Variants in PTPRQ observed in about 807,000 individuals in gnomAD.
PTPRQ encodes phosphatidylinositol phosphatase PTPRQ.
PTPRQ carries 199 observed loss-of-function variants against 246.0 expected under a neutral mutation model. The ratio of observed to expected loss-of-function variants is 0.81; its 90% CI spans 0.72 to 0.91. The LOEUF is 0.91. Among genes scored for constraint, PTPRQ ranks in the 40% least tolerant of loss-of-function variants. The pLI is 0.00. For missense variants in PTPRQ, 2,624 were observed against 2,528.4 expected, an observed-to-expected ratio of 1.04 and a Z score of -0.81; for synonymous variants, 869 against 853.2, an observed-to-expected ratio of 1.02 and a Z score of -0.32.
intron 16 of PTPRQ, among the ~76,000 whole-genome samples, chr12:80,509,242 A>C (rs1895053945): frequency 6.6e-6 from 1 of 152,060 alleles, no homozygotes; most frequent in Non-Finnish European, 1.5e-5. Context: ...ATTTTTTTGG[A>C]AAATTATTGT....
chr12:80,495,535 T>A (rs977218343), intron 12 of PTPRQ, among the ~76,000 whole-genome samples, 164 bp downstream of exon 12: 2 of 152,014 alleles, frequency 1.3e-5, no homozygotes, highest in Admixed American at 1.3e-4. Flanking sequence ...AATACCTGCA[T>A]ACATAACTCG....
intron 33 of PTPRQ, among the ~76,000 whole-genome samples, chr12:80,624,997 T>C (rs1367223628): frequency 1.3e-5 from 2 of 152,194 alleles, no homozygotes; most frequent in Admixed American, 6.5e-5. Context: ...GCCCATGAGC[T>C]GCGAGTTGGA....
rs545405028 is a variant in PTPRQ at position 80,621,872 on chromosome 12, G to A, written c.5613-189G>A. Reference sequence around the variant, plus strand: ...CATCAAATTCAATGGGTCAAAGTACGAGATAATTATTTGTCTCATATAAAT... The same window carrying A: ...CATCAAATTCAATGGGTCAAAGTACAAGATAATTATTTGTCTCATATAAAT... On this transcript the variant is annotated intron_variant, in intron 32 of 44. Transcript: ENST00000644991. Among the ~76,000 whole-genome samples the A allele has an allele frequency of 6.2e-4, 94 of 152,026 alleles. 2 individuals are homozygous for A. Among genetic ancestry groups the A allele is most frequent in the African/African-American group, 2.0e-3 (85 of 41,518 alleles).
rs768055115 is a variant in PTPRQ at position 80,445,510 on chromosome 12, C to T, written c.183C>T (p.Phe61=). The part of the protein sequence containing the change: ...TNVTKPGPPV[F]LAGERVGSAG... Reference sequence around the variant, plus strand: ...AAATAGAACCAGGGCCTCCAGTCTTCCTAGCCGGGGAAAGAGTCGGATCTG... The same window carrying T: ...AAATAGAACCAGGGCCTCCAGTCTTTCTAGCCGGGGAAAGAGTCGGATCTG... The change falls in exon 3 of 45, where the codon TTC becomes TTT. Residue 61 remains phenylalanine, a synonymous_variant. Coordinates refer to ENST00000644991, the MANE Select transcript of PTPRQ (RefSeq NM_001145026.2). 1 of 1,544,924 alleles carries T rather than the reference C, an allele frequency of 6.5e-7. No homozygotes were observed. The highest frequency in any genetic ancestry group is 2.0e-5 in the Admixed American group (1 of 50,566).
chr12:80,656,130 TA>T (rs1274460589), intron 38 of PTPRQ, among the ~76,000 whole-genome samples: 27 of 152,332 alleles, frequency 1.8e-4, no homozygotes, highest in African/African-American at 5.0e-4. Flanking sequence ...CTAGATCATA[TA>T]AAATTCTATA....
intron 14 of PTPRQ, among the ~76,000 whole-genome samples, chr12:80,501,389 T>G (rs937186214): frequency 2.6e-5 from 4 of 151,932 alleles, no homozygotes; most frequent in Non-Finnish European, 5.9e-5. Flanking sequence ...GGTAGTGCCA[T>G]TTACTTAGAT....
At chr12:80,513,811 A>G (rs1895196788) in intron 17 of PTPRQ, among the ~76,000 whole-genome samples, 1 of 152,180 alleles carries the variant, frequency 6.6e-6, no homozygotes. Context: ...CTCAAGGCTT[A>G]TTCTAGTCCC....
At chr12:80,505,186 T>C (rs76342999) in intron 14 of PTPRQ, among the ~76,000 whole-genome samples, 104 of 152,032 alleles carry the variant, frequency 6.8e-4, no homozygotes, top group African/African-American at 2.4e-3. Context: ...TTAACCAATC[T>C]ATGGCAAGGC....
intron 9 of PTPRQ, among the ~76,000 whole-genome samples, chr12:80,485,707 T>C (rs1295601133): frequency 6.6e-6 from 1 of 152,170 alleles, no homozygotes; most frequent in Admixed American, 6.5e-5. Flanking sequence ...ATACTCTGGT[T>C]GACAACTCAG....
At position 80,495,286 on chromosome 12, in the gene PTPRQ, A is replaced by T. The variant is rs1183201898; in HGVS notation, c.1797A>T (p.Ile599=). 3 of 1,546,694 alleles carry T rather than the reference A, an allele frequency of 1.9e-6. No homozygotes were observed. Among genetic ancestry groups the T allele is most frequent in the Non-Finnish European group, 2.6e-6 (3 of 1,145,450 alleles). The change falls in exon 12 of 45, where the codon ATA becomes ATT. Residue 599 remains isoleucine, a synonymous_variant. Transcript: ENST00000644991. ...WDPPEYPNGK[I]THYTIYAMEL... ...CTCCAGAATATCCCAATGGAAAAAT[A>T]ACTCACTATACGATTTATGCAATGG...
intron 34 of PTPRQ, among the ~76,000 whole-genome samples, chr12:80,633,727 C>G (rs945455637): frequency 6.6e-6 from 1 of 152,184 alleles, no homozygotes; most frequent in Non-Finnish European, 1.5e-5. Flanking sequence ...AGCCAGAAGA[C>G]AGTGAGAGAG....
intron 17 of PTPRQ, among the ~76,000 whole-genome samples, chr12:80,525,609 AT>A (rs75824787): frequency 0.25 from 38,075 of 151,612 alleles, 5,486 homozygotes; most frequent in African/African-American, 0.39. Flanking sequence ...TTTAAATAAA[AT>A]TTTAAAATTC....
At chr12:80,640,824 A>T (rs1899829059) in intron 35 of PTPRQ, among the ~76,000 whole-genome samples, 1 of 152,160 alleles carries the variant, frequency 6.6e-6, no homozygotes, top group Non-Finnish European at 1.5e-5. Context: ...AGTTAATCTT[A>T]TCAAAATGCA....
intron 8 of PTPRQ, among the ~76,000 whole-genome samples, chr12:80,479,474 A>C (rs1192848414): frequency 6.6e-6 from 1 of 150,732 alleles, no homozygotes; most frequent in Non-Finnish European, 1.5e-5. Context: ...TCAACTAATG[A>C]GCAAAATAAC....
chr12:80,652,724 G>T lies in PTPRQ; in HGVS notation c.6025-20G>T. On this transcript the variant is annotated intron_variant, in intron 37 of 44. Coordinates refer to ENST00000644991, the MANE Select transcript of PTPRQ (RefSeq NM_001145026.2). ...TTTACCTCTGATAAATGTAAACTTT[G>T]TAATGACTTTATTTTACAGGAATTA... is the stretch of plus-strand genomic sequence containing the variant. 2.7e-6 allele frequency: 4 copies of T among 1,485,566 alleles called. No individual in the cohort carries two copies. Among genetic ancestry groups the T allele is most frequent in the Non-Finnish European group, 3.6e-6 (4 of 1,121,942 alleles). The allele number at this position is 1,485,566 out of a possible 1,614,324, so 92.0% of individuals were successfully genotyped here.
At chr12:80,622,036 T>C in intron 32 of PTPRQ, 25 bp from the exon 33 acceptor site, 1 of 1,309,186 alleles carries the variant, frequency 7.6e-7, no homozygotes, top group Non-Finnish European at 1.0e-6. Flanking sequence ...TGCAAAGTGT[T>C]GATTTTTCTT....
intron 35 of PTPRQ, among the ~76,000 whole-genome samples, chr12:80,637,161 T>G (rs1272237803): frequency 1.3e-5 from 2 of 151,364 alleles, no homozygotes; most frequent in African/African-American, 4.9e-5. Flanking sequence ...CCAGCCTGGG[T>G]GACAGAGCGA....
intron 26 of PTPRQ, among the ~76,000 whole-genome samples, chr12:80,592,451 G>T (rs943826123): frequency 1.3e-5 from 2 of 151,996 alleles, no homozygotes; most frequent in African/African-American, 2.4e-5. Flanking sequence ...ATTAAGTCAG[G>T]AAGAGATAAT....
At chr12:80,632,346 A>G in intron 34 of PTPRQ, 55 bp downstream of exon 34, 1 of 1,545,476 alleles carries the variant, frequency 6.5e-7, no homozygotes, top group African/African-American at 1.4e-5. Context: ...TATATCAGTC[A>G]TAGTCCAATC....
Sources: allele counts gnomAD v4.1 joint callset (sites outside exome capture counted in the v4.1 genomes callset), GRCh38; gene constraint gnomAD v4.1.1; transcripts MANE v1.5; gene names NCBI Gene and HGNC (gene_info 2026-07-23, HGNC 2026-07-21).